The following RPS6KA5 variants were observed in gnomAD, a reference collection of about 807,000 sequenced individuals.
RPS6KA5 encodes the protein ribosomal protein S6 kinase alpha-5.
Under a neutral mutation model 85.5 loss-of-function variants are expected in RPS6KA5, and 27 were observed. That is an observed-to-expected ratio of 0.32 (90% CI 0.23 to 0.44). The LOEUF (loss-of-function observed/expected upper bound fraction) is 0.44, where lower values mean the gene tolerates loss of function less well. Ranked by LOEUF, RPS6KA5 falls within the 20% of genes least tolerant of loss-of-function variation. The pLI is 1.00. For synonymous variants in RPS6KA5, 334 were observed against 348.2 expected (o/e 0.96, Z 0.46); for missense variants, 811 against 980.9 (o/e 0.83, Z 2.31).
intron 1 of RPS6KA5, among the ~76,000 whole-genome samples, chr14:91,017,704 C>T (rs1475203663): frequency 2.0e-5 from 3 of 152,236 alleles, no homozygotes; most frequent in Non-Finnish European, 4.4e-5. Flanking sequence ...GCACCACTCA[C>T]TATTAACCCT....
At chr14:90,990,915 C>T (rs542700010) in intron 2 of RPS6KA5, among the ~76,000 whole-genome samples, 1 of 152,268 alleles carries the variant, frequency 6.6e-6, no homozygotes, top group Non-Finnish European at 1.5e-5. Flanking sequence ...TGAAAAACTA[C>T]ATATAGGGTA....
intron 5 of RPS6KA5, among the ~76,000 whole-genome samples, chr14:90,925,266 C>T (rs1442572845): frequency 2.6e-5 from 4 of 152,252 alleles, no homozygotes; most frequent in East Asian, 1.9e-4. Flanking sequence ...TGAGGATAAA[C>T]GATGAGGCTG....
intron 1 of RPS6KA5, among the ~76,000 whole-genome samples, chr14:91,016,973 C>A (rs1412523031): frequency 1.3e-5 from 2 of 152,046 alleles, no homozygotes; most frequent in African/African-American, 4.8e-5. Context: ...GATAGGATGA[C>A]CTGTTCTGTG....
At chr14:90,957,692 A>G (rs1245224256) in intron 3 of RPS6KA5, among the ~76,000 whole-genome samples, 1 of 152,210 alleles carries the variant, frequency 6.6e-6, no homozygotes, top group Non-Finnish European at 1.5e-5. Context: ...TTTTGAGGAC[A>G]GTGTTTAAAG....
chr14:90,998,169 A>T (rs1158349650), intron 2 of RPS6KA5, among the ~76,000 whole-genome samples: 1 of 152,176 alleles, frequency 6.6e-6, no homozygotes, highest in African/African-American at 2.4e-5. Context: ...ATATATAGAT[A>T]AAAAAGTCAG....
intron 7 of RPS6KA5, among the ~76,000 whole-genome samples, chr14:90,907,826 C>T (rs750939290): frequency 6.0e-4 from 91 of 152,188 alleles, no homozygotes; most frequent in Admixed American, 3.3e-4. Context: ...CAGACACAAG[C>T]ATGTCTGAGA....
At chr14:91,028,477 A>C (rs2042066609) in intron 1 of RPS6KA5, among the ~76,000 whole-genome samples, 1 of 151,986 alleles carries the variant, frequency 6.6e-6, no homozygotes, top group Admixed American at 6.5e-5. Context: ...CAGCCTCCCA[A>C]AGTGTTGGGA....
chr14:90,952,240 C>T (rs2038236496), intron 3 of RPS6KA5, among the ~76,000 whole-genome samples: 1 of 152,172 alleles, frequency 6.6e-6, no homozygotes, highest in Non-Finnish European at 1.5e-5. Context: ...AAAATTTGGA[C>T]AAACAATCAA....
chr14:90,904,178 T>C (rs888567440), intron 8 of RPS6KA5, among the ~76,000 whole-genome samples: 28 of 152,190 alleles, frequency 1.8e-4, no homozygotes, highest in Non-Finnish European at 2.9e-5. Context: ...CTCGATCTCC[T>C]GACCTAGTGA....
intron 14 of RPS6KA5, among the ~76,000 whole-genome samples, chr14:90,888,392 TTTAGA>T (rs2034358189): frequency 2.0e-5 from 3 of 152,320 alleles, no homozygotes; most frequent in South Asian, 2.1e-4. Context: ...CTCTTTTTTA[TTTAGA>T]TTAATCTTTA....
intron 3 of RPS6KA5, among the ~76,000 whole-genome samples, chr14:90,948,332 C>T (rs894780070): frequency 6.6e-6 from 1 of 152,150 alleles, no homozygotes; most frequent in African/African-American, 2.4e-5. Context: ...ATGTTAGAAA[C>T]TGCTCAAAAT....
chr14:91,058,763 G>C (rs1484992354), intron 1 of RPS6KA5, among the ~76,000 whole-genome samples: 1 of 152,054 alleles, frequency 6.6e-6, no homozygotes, highest in Non-Finnish European at 1.5e-5. Flanking sequence ...CAAAAATATG[G>C]AACAGCTGGC....
intron 2 of RPS6KA5, among the ~76,000 whole-genome samples, chr14:90,985,439 C>T (rs1286065): frequency 0.71 from 107,781 of 152,220 alleles, 38,259 homozygotes; most frequent in East Asian, 0.88. Flanking sequence ...CCCTGCTTTA[C>T]GTCCTTCCTT....
intron 6 of RPS6KA5, among the ~76,000 whole-genome samples, chr14:90,921,272 G>T (rs576606915): frequency 2.0e-5 from 3 of 152,140 alleles, no homozygotes; most frequent in Non-Finnish European, 4.4e-5. Context: ...GACTAAAATC[G>T]TGAGAGCAAA....
intron 2 of RPS6KA5, among the ~76,000 whole-genome samples, chr14:90,983,817 GTCTCTCTC>G (rs531667852): frequency 7.2e-5 from 8 of 111,056 alleles, no homozygotes; most frequent in Non-Finnish European, 1.1e-4. Context: ...CTCTCTCTCT[GTCTCTCTC>G]TCTCTCTCTC....
At position 90,892,719 on chromosome 14, in the gene RPS6KA5, T is replaced by C. The variant is rs186291875; in HGVS notation, c.1644+1694A>G. Among the ~76,000 whole-genome samples, 465 of 152,352 alleles carry C rather than the reference T, an allele frequency of 3.1e-3. 1 individual carries two copies. The highest frequency in any genetic ancestry group is 9.3e-3 in the South Asian group (45 of 4,830). ...ACATAGCTACCTACCAAAAGATAGA[T>C]AATCAGACCTTAAAGTGCCACATGG... On this transcript the variant is annotated intron_variant, in intron 13 of 16. Coordinates refer to ENST00000614987, the MANE Select transcript of RPS6KA5 (RefSeq NM_004755.4).
At chr14:91,023,177 G>A (rs889246732) in intron 1 of RPS6KA5, among the ~76,000 whole-genome samples, 3 of 150,018 alleles carry the variant, frequency 2.0e-5, no homozygotes, top group Non-Finnish European at 4.4e-5. Flanking sequence ...AGTATATTAA[G>A]TGCTCACCAT....
intron 2 of RPS6KA5, among the ~76,000 whole-genome samples, chr14:90,992,264 T>C (rs1291612667): frequency 6.6e-6 from 1 of 152,172 alleles, no homozygotes; most frequent in African/African-American, 2.4e-5. Context: ...TTCTTAGTTA[T>C]CCCATCTTCT....
intron 7 of RPS6KA5, among the ~76,000 whole-genome samples, chr14:90,911,627 T>A (rs990713266): frequency 1.3e-5 from 2 of 152,224 alleles, no homozygotes; most frequent in Admixed American, 1.3e-4. Context: ...CACTCAATAG[T>A]ACATTAAGCA....
Sources: gnomAD v4.1 joint callset for allele counts (sites outside exome capture counted in the v4.1 genomes callset) on GRCh38, gnomAD v4.1.1 for gene constraint, MANE v1.5 for transcripts, NCBI Gene and HGNC (gene_info 2026-07-23, HGNC 2026-07-21) for gene names.